The following MYH15 variants were observed in gnomAD, a reference collection of about 807,000 sequenced individuals.
The protein encoded by MYH15 is myosin-15.
MYH15 carries 227 observed loss-of-function variants against 240.5 expected under a neutral mutation model. The ratio of observed to expected loss-of-function variants is 0.94; its 90% CI spans 0.85 to 1.05. MYH15 has a LOEUF of 1.05. MYH15 is among the 50% of genes least tolerant of loss of function. MYH15 has a pLI of 0.00. For synonymous variants in MYH15, 785 were observed against 796.7 expected, an observed-to-expected ratio of 0.99 and a Z score of 0.25; for missense variants, 2,217 against 2,247.5, an observed-to-expected ratio of 0.99 and a Z score of 0.27.
At chr3:108,475,283 T>C (rs985978375) in intron 12 of MYH15, among the ~76,000 whole-genome samples, 2 of 152,218 alleles carry the variant, frequency 1.3e-5, no homozygotes, top group South Asian at 4.1e-4. Flanking sequence ...TTTGACTCAG[T>C]TTCCTCAACT....
At position 108,410,775 on chromosome 3, in the gene MYH15, C is replaced by T; in HGVS notation, c.4303G>A (p.Asp1435Asn). 1 of 1,614,136 alleles carries T rather than the reference C, an allele frequency of 6.2e-7. No homozygotes were observed. Among genetic ancestry groups the T allele is most frequent in the African/African-American group, 1.3e-5 (1 of 75,060 alleles). Residue 1435 changes from aspartate (D) to asparagine (N), a missense_variant, in exon 31 of 41, where the codon GAC (aspartate) becomes AAC (asparagine). Asp to Asn is a conservative substitution (Grantham distance 23). Coordinates refer to ENST00000693548, the MANE Select transcript of MYH15 (RefSeq NM_014981.3). ...TTGCCAGACTGCAGCTGCTTCTGGT[C>T]CAGCCTGGCTGCTGCAGAGCGGACC... ...GKVRSAAARLDQKQLQSGKAL... is the reference protein window; with the variant it reads ...GKVRSAAARLNQKQLQSGKAL...
At chr3:108,415,557 A>C (rs1361102139) in intron 29 of MYH15, among the ~76,000 whole-genome samples, 1 of 152,240 alleles carries the variant, frequency 6.6e-6, no homozygotes, top group African/African-American at 2.4e-5. Flanking sequence ...TAAAGAGCCC[A>C]AAAGAAATAA....
chr3:108,441,381 A>G (rs1377628544), intron 22 of MYH15, 121 bp from the exon 23 acceptor site: 3 of 1,102,500 alleles, frequency 2.7e-6, no homozygotes, highest in Non-Finnish European at 2.6e-6. Context: ...ACTTTCACCT[A>G]CCTTTCCTAA....
intron 31 of MYH15, among the ~76,000 whole-genome samples, chr3:108,408,770 A>G (rs2082565431): frequency 1.3e-5 from 2 of 152,140 alleles, no homozygotes; most frequent in Non-Finnish European, 1.5e-5. Context: ...GTGCTTAGCT[A>G]TCAACATTAG....
At chr3:108,520,747 A>T (rs983406531) in intron 1 of MYH15, among the ~76,000 whole-genome samples, 3 of 152,208 alleles carry the variant, frequency 2.0e-5, no homozygotes, top group African/African-American at 4.8e-5. Flanking sequence ...CTATCTCTCC[A>T]GTGATTTGGA....
chr3:108,550,225 AT>A, the MYH15 span: 19 of 151,652 alleles, frequency 1.3e-4, no homozygotes, highest in African/African-American at 3.6e-4. Flanking sequence ...TTTAAAAAAA[AT>A]AAAGATATTT....
chr3:108,418,363 G>A lies in MYH15; in HGVS notation c.3830-1433C>T, dbSNP rs150946911. On this transcript the variant is annotated intron_variant, in intron 28 of 40. Coordinates refer to ENST00000693548, the MANE Select transcript of MYH15 (RefSeq NM_014981.3). ...CTTAAGGACATCCTTAAGTGAAACT[G>A]ACTTTTTAAAAAACCGTGAGTACAT... is the stretch of plus-strand genomic sequence containing the variant. Among the ~76,000 whole-genome samples, 28 of 152,218 alleles carry A rather than the reference G, an allele frequency of 1.8e-4. 1 individual carries two copies. The highest frequency in any genetic ancestry group is 6.7e-4 in the African/African-American group (28 of 41,528).
chr3:108,442,770 TTC>T, intron 22 of MYH15, among the ~76,000 whole-genome samples: 1 of 32,590 alleles, frequency 3.1e-5, no homozygotes, highest in East Asian at 1.8e-3. Context: ...TTCAAAATAT[TTC>T]TTTTTTTTTT....
intron 22 of MYH15, among the ~76,000 whole-genome samples, chr3:108,444,135 C>A (rs2082907910): frequency 1.3e-5 from 2 of 150,756 alleles, no homozygotes; most frequent in African/African-American, 4.9e-5. Flanking sequence ...TACCCTAAAA[C>A]TTAAAGTATA....
intron 38 of MYH15, among the ~76,000 whole-genome samples, chr3:108,386,015 G>A (rs1300287960): frequency 1.3e-5 from 2 of 152,112 alleles, no homozygotes; most frequent in East Asian, 3.8e-4. Context: ...AACCTAGTTG[G>A]GGAACTGAGA....
At chr3:108,521,556 A>G (rs1437754373) in intron 1 of MYH15, among the ~76,000 whole-genome samples, 1 of 152,180 alleles carries the variant, frequency 6.6e-6, no homozygotes, top group Non-Finnish European at 1.5e-5. Context: ...CCTGAAGCCT[A>G]TTACAACAGC....
chr3:108,468,247 T>C (rs1461430733), intron 14 of MYH15, among the ~76,000 whole-genome samples: 2 of 152,238 alleles, frequency 1.3e-5, no homozygotes, highest in African/African-American at 4.8e-5. Context: ...ATTACAGGCA[T>C]AAGCCACTGC....
intron 3 of MYH15, 152 bp from the exon 4 acceptor site, chr3:108,500,426 A>G: frequency 1.3e-6 from 1 of 781,712 alleles, no homozygotes; most frequent in South Asian, 2.1e-5. Context: ...GGGACTTCTA[A>G]CAAGAAGAGA....
At chr3:108,392,010 G>T in intron 36 of MYH15, 80 bp from the exon 37 acceptor site, 1 of 1,490,574 alleles carries the variant, frequency 6.7e-7, no homozygotes, top group Non-Finnish European at 9.2e-7. Flanking sequence ...TTTAGTTCCT[G>T]GTCTGACTGG....
At chr3:108,523,928 C>G (rs528289562) in intron 1 of MYH15, among the ~76,000 whole-genome samples, 1 of 151,918 alleles carries the variant, frequency 6.6e-6, no homozygotes, top group Admixed American at 6.6e-5. Flanking sequence ...TATTTCACAT[C>G]ATACCATATG....
the MYH15 span, chr3:108,543,664 C>A: frequency 2.6e-5 from 4 of 152,326 alleles, no homozygotes; most frequent in Non-Finnish European, 5.9e-5. Flanking sequence ...GAAGCTTCTG[C>A]TAGCTTATAC....
rs570359637 is a variant in MYH15, at chr3:108,427,635, C to CACAGAGAG, written c.3702+856_3702+857insCTCTCTGT. The stretch of plus-strand genomic sequence containing the variant: ...CACACACAACACACACACACACACA[C>CACAGAGAG]AGAGAGAGAGAGAGAGAGAGAAAGA... On this transcript the variant is annotated intron_variant, in intron 27 of 40. Transcript: ENST00000693548. Among the ~76,000 whole-genome samples the CACAGAGAG allele has an allele frequency of 2.1e-3, 314 of 146,736 alleles. 2 individuals are homozygous for CACAGAGAG. The South Asian group carries it at 0.024, about 11-fold the overall frequency.
intron 24 of MYH15, among the ~76,000 whole-genome samples, chr3:108,437,983 G>A (rs138752952): frequency 0.01 from 1,566 of 152,302 alleles, 23 homozygotes; most frequent in African/African-American, 0.036. Context: ...TTGATTGATC[G>A]TTTTCCAATG....
intron 11 of MYH15, among the ~76,000 whole-genome samples, chr3:108,477,416 G>A (rs1296990264): frequency 1.3e-5 from 2 of 152,272 alleles, no homozygotes; most frequent in Non-Finnish European, 2.9e-5. Flanking sequence ...GCACAGCCTT[G>A]AGAATATACT....
Sources: gnomAD v4.1 joint callset for allele counts (sites outside exome capture counted in the v4.1 genomes callset) on GRCh38, gnomAD v4.1.1 for gene constraint, MANE v1.5 for transcripts, NCBI Gene and HGNC (gene_info 2026-07-23, HGNC 2026-07-21) for gene names.